The following MAEA variants were observed in gnomAD, a reference collection of about 807,000 sequenced individuals.
MAEA encodes the protein macrophage erythroblast attacher, E3 ubiquitin ligase.
A neutral mutation model predicts 46.2 loss-of-function variants in MAEA; 22 were observed. That is an observed-to-expected ratio of 0.48 (90% confidence interval 0.34 to 0.68). The LOEUF (loss-of-function observed/expected upper bound fraction) is 0.68, where lower values mean the gene tolerates loss of function less well. Among genes scored for constraint, MAEA ranks in the 30% least tolerant of loss-of-function variants. The pLI, the probability that MAEA is intolerant of heterozygous loss-of-function variation, is 0.01. For synonymous variants in MAEA, 246 were observed against 222.6 expected (o/e 1.11, Z -0.94); for missense variants, 393 against 558.1 (o/e 0.70, Z 2.98).
rs566241907 is a variant in MAEA at position 1,324,012 on chromosome 4, G to A, written c.579+1509G>A. Among the ~76,000 whole-genome samples the A allele has an allele frequency of 9.7e-4, 147 of 151,956 alleles. 1 individual carries two copies. The highest frequency in any genetic ancestry group is 3.4e-3 in the African/African-American group (142 of 41,420). On this transcript the variant is annotated intron_variant, in intron 4 of 8. Transcript: ENST00000303400. Reference sequence around the variant, plus strand: ...TTGGATGAGTTGAGATTGGATGAGCGTGCTTGGTGTTGGATGAAGTTGAGA... The same window carrying A: ...TTGGATGAGTTGAGATTGGATGAGCATGCTTGGTGTTGGATGAAGTTGAGA...
rs75470044 is a variant in MAEA at position 1,338,412 on chromosome 4, C to T, written c.900-10C>T. On this transcript the variant is annotated splice_polypyrimidine_tract_variant and intron_variant, in intron 7 of 8. Transcript: ENST00000303400. ...AGTGGCCCCCAACCCTTCCTTGACCCGATGCTCAGACAGTGCTACAAGGAG... is the reference window on the plus strand; with the variant it reads ...AGTGGCCCCCAACCCTTCCTTGACCTGATGCTCAGACAGTGCTACAAGGAG... 1,960 of 1,604,706 alleles carry T rather than the reference C, an allele frequency of 1.2e-3. 22 individuals are homozygous for T. The African/African-American group carries it at 0.022, about 18-fold the overall frequency.
chr4:1,302,735 C>G (rs1242708451), intron 1 of MAEA, among the ~76,000 whole-genome samples: 4 of 152,222 alleles, frequency 2.6e-5, no homozygotes, highest in African/African-American at 9.6e-5. Flanking sequence ...CCGCCTCAGC[C>G]TCCCAAAGTG....
intron 4 of MAEA, among the ~76,000 whole-genome samples, chr4:1,324,503 T>A (rs544911254): frequency 3.5e-4 from 52 of 149,274 alleles, no homozygotes; most frequent in African/African-American, 1.1e-3. Flanking sequence ...AAGTTGAGAT[T>A]GGATGCTTGG....
chr4:1,338,374 C>A, intron 7 of MAEA, 48 bp from the exon 8 acceptor site: 6 of 1,523,124 alleles, frequency 3.9e-6, no homozygotes, highest in Non-Finnish European at 5.4e-6. Context: ...CTGGGCTCAC[C>A]CCGGCTGCCC....
chr4:1,334,802 C>G, intron 6 of MAEA: 1 of 908,926 alleles, frequency 1.1e-6, no homozygotes, highest in Non-Finnish European at 1.3e-6. Flanking sequence ...CCAGAGGCAA[C>G]CAGTCCTGGG....
chr4:1,309,647 A>C, intron 1 of MAEA: 13 of 1,531,292 alleles, frequency 8.5e-6, no homozygotes, highest in Non-Finnish European at 1.1e-5. Flanking sequence ...AAGCGGCTGG[A>C]TGTGGACCCT....
At chr4:1,317,793 G>A (rs146608299) in intron 3 of MAEA, among the ~76,000 whole-genome samples, 14 of 152,348 alleles carry the variant, frequency 9.2e-5, no homozygotes, top group East Asian at 1.9e-4. Context: ...TGCGGTGACC[G>A]GGGCTGGTGC....
rs376238949 is a variant in MAEA, at chr4:1,337,013, G to A, written c.899+19G>A. On this transcript the variant is annotated intron_variant, in intron 7 of 8. Transcript: ENST00000303400. ...AGACACCGTATCCTACCTCCCGTGC[G>A]CAGTGCGGTTTGGCCTGGGGTTGGC... 442 of 1,612,522 alleles carry A rather than the reference G, an allele frequency of 2.7e-4. 1 individual carries two copies. The highest frequency in any genetic ancestry group is 3.3e-4 in the African/African-American group (25 of 75,028).
intron 3 of MAEA, among the ~76,000 whole-genome samples, chr4:1,318,460 G>A (rs1737599080): frequency 6.6e-6 from 1 of 152,226 alleles, no homozygotes; most frequent in Admixed American, 6.5e-5. Flanking sequence ...CCTCAGCAGG[G>A]TGAGACGGGC....
intron 1 of MAEA, among the ~76,000 whole-genome samples, chr4:1,292,637 C>A (rs564341157): frequency 6.6e-6 from 1 of 152,270 alleles, no homozygotes; most frequent in East Asian, 1.9e-4. Context: ...GAGCATGCCC[C>A]CAAAATGTCT....
Position 1,332,760 on chromosome 4 carries a change from T to C in MAEA, c.660T>C (p.His220=), listed in dbSNP as rs149155898. ...RQNKRLDAVR[H]ARKHFSQAEG... ...GTGCCAAAATGTTGTTTTTTAGACA[T>C]GCAAGAAAGCACTTCAGCCAAGCAG... The change falls in exon 6 of 9, where the codon CAT becomes CAC. Residue 220 remains histidine (H), a synonymous_variant. Coordinates refer to ENST00000303400, the MANE Select transcript of MAEA (RefSeq NM_001017405.3). 18 of 1,609,402 alleles carry C rather than the reference T, an allele frequency of 1.1e-5. No homozygotes were observed. Among genetic ancestry groups the C allele is most frequent in the Non-Finnish European group, 1.5e-5 (18 of 1,177,216 alleles).
chr4:1,306,557 G>A (rs1228184584), intron 1 of MAEA, among the ~76,000 whole-genome samples: 1 of 152,024 alleles, frequency 6.6e-6, no homozygotes, highest in African/African-American at 2.4e-5. Context: ...CTTGCTTGTC[G>A]TAATACTGAG....
At chr4:1,325,717 C>T (rs1319998861) in intron 4 of MAEA, among the ~76,000 whole-genome samples, 2 of 151,926 alleles carry the variant, frequency 1.3e-5, no homozygotes, top group Non-Finnish European at 2.9e-5. Flanking sequence ...GCTGGCCCTT[C>T]CCTTCCTCTC....
chr4:1,309,870 G>A (rs1736266037), intron 1 of MAEA: 2 of 1,309,740 alleles, frequency 1.5e-6, no homozygotes, highest in African/African-American at 1.5e-5. Flanking sequence ...TCAGCACCGC[G>A]GTGAGGCGGA....
In MAEA at chr4:1,322,538, C is replaced by A; in HGVS notation, c.579+35C>A. ...CTCCCAGGTTGGGGTGGGAGTGGGT[C>A]GGGGCCGAGGCTGCGCCACCTGCCC... On this transcript the variant is annotated intron_variant, in intron 4 of 8. Transcript: ENST00000303400. 3 of 1,609,110 alleles carry A rather than the reference C, an allele frequency of 1.9e-6. No individual in the cohort carries two copies. In the South Asian group the frequency reaches 3.3e-5, roughly 18 times the overall value.
intron 2 of MAEA, 103 bp from the exon 3 acceptor site, chr4:1,315,293 CT>C: frequency 9.0e-7 from 1 of 1,106,130 alleles, no homozygotes; most frequent in East Asian, 2.4e-5. Context: ...GTAATCCCTG[CT>C]TTTCTCCTTG....
intron 3 of MAEA, among the ~76,000 whole-genome samples, chr4:1,317,213 G>T (rs1313223379): frequency 4.1e-5 from 1 of 24,626 alleles, no homozygotes; most frequent in East Asian, 1.5e-3. Context: ...AGACTCACCC[G>T]CAGGCTCACC....
At chr4:1,315,341 G>A in intron 2 of MAEA, 56 bp from the exon 3 acceptor site, 2 of 1,554,558 alleles carry the variant, frequency 1.3e-6, no homozygotes, top group African/African-American at 1.4e-5. Context: ...GCCTCCCTTG[G>A]TGCAGGGCTG....
intron 1 of MAEA, chr4:1,309,307 G>A: frequency 4.0e-6 from 2 of 505,538 alleles, no homozygotes; most frequent in Non-Finnish European, 5.6e-6. Context: ...CCACTCACTC[G>A]GTCACCAAAT....
Sources: gnomAD v4.1 joint callset for allele counts (sites outside exome capture counted in the v4.1 genomes callset) on GRCh38, gnomAD v4.1.1 for gene constraint, MANE v1.5 for transcripts, NCBI Gene and HGNC (gene_info 2026-07-23, HGNC 2026-07-21) for gene names.